Variants in RBFOX1 observed in about 807,000 individuals in gnomAD.
RBFOX1 encodes RNA binding fox-1 homolog 1, also known as RNA binding protein fox-1 homolog 1.
In RBFOX1, 8 loss-of-function variants were observed where a neutral mutation model predicts 57.7. The observed-to-expected ratio is 0.14, with a 90% CI of 0.08 to 0.25. The LOEUF (loss-of-function observed/expected upper bound fraction) is 0.25, where lower values mean the gene tolerates loss of function less well. Among genes scored for constraint, RBFOX1 ranks in the 10% least tolerant of loss-of-function variants. The pLI is 1.00. For missense variants in RBFOX1, 611 were observed against 548.5 expected (o/e 1.11, Z -1.14); for synonymous variants, 326 against 222.4 (o/e 1.47, Z -4.15).
At chr16:6,823,210 C>T (rs1341968799) in intron 3 of RBFOX1, among the ~76,000 whole-genome samples, 1 of 151,890 alleles carries the variant, frequency 6.6e-6, no homozygotes, top group Non-Finnish European at 1.5e-5. Context: ...AAGCATTCTA[C>T]TTCACTGACC....
chr16:6,957,798 G>C (rs1233228425), intron 3 of RBFOX1, among the ~76,000 whole-genome samples: 1 of 152,118 alleles, frequency 6.6e-6, no homozygotes, highest in African/African-American at 2.4e-5. Flanking sequence ...CTTAGGGAAA[G>C]CCAGGCATCT....
chr16:7,350,714 A>G (rs1185939622), intron 4 of RBFOX1, among the ~76,000 whole-genome samples: 2 of 152,154 alleles, frequency 1.3e-5, no homozygotes, highest in Non-Finnish European at 2.9e-5. Context: ...TTTGATCTTC[A>G]TTGACCGGAG....
chr16:7,539,680 G>A (rs2082397389), intron 5 of RBFOX1, among the ~76,000 whole-genome samples: 1 of 152,142 alleles, frequency 6.6e-6, no homozygotes, highest in East Asian at 1.9e-4. Context: ...GACTGTTTCT[G>A]GCCACAAAGG....
chr16:6,862,030 C>G (rs1424586292), intron 3 of RBFOX1, among the ~76,000 whole-genome samples: 1 of 151,988 alleles, frequency 6.6e-6, no homozygotes, highest in Admixed American at 6.6e-5. Context: ...ACTCGATAAG[C>G]TCCAGTCAAT....
At chr16:6,628,198 C>T (rs1276115840) in intron 2 of RBFOX1, among the ~76,000 whole-genome samples, 2 of 152,198 alleles carry the variant, frequency 1.3e-5, no homozygotes, top group African/African-American at 4.8e-5. Context: ...GTCATCTCAC[C>T]AGTCTCCCTG....
intron 3 of RBFOX1, among the ~76,000 whole-genome samples, chr16:6,938,757 C>G (rs11077117): frequency 0.5 from 75,351 of 151,398 alleles, 18,867 homozygotes; most frequent in East Asian, 0.68. Context: ...CAGGGTGAAA[C>G]CCTGTCTGTA....
intron 4 of RBFOX1, among the ~76,000 whole-genome samples, chr16:7,305,949 C>T (rs948003298): frequency 6.6e-6 from 1 of 152,028 alleles, no homozygotes; most frequent in Non-Finnish European, 1.5e-5. Flanking sequence ...TGTGCATGTG[C>T]GTTTTATACC....
At chr16:6,875,841 C>G (rs1034037467) in intron 3 of RBFOX1, among the ~76,000 whole-genome samples, 1 of 151,776 alleles carries the variant, frequency 6.6e-6, no homozygotes, top group Non-Finnish European at 1.5e-5. Flanking sequence ...CTCATCTCTA[C>G]AAAAAAATTA....
chr16:6,085,406 G>C (rs1368715795), intron 1 of RBFOX1, among the ~76,000 whole-genome samples: 1 of 152,190 alleles, frequency 6.6e-6, no homozygotes, highest in East Asian at 1.9e-4. Flanking sequence ...CCGAGTAGCT[G>C]GGAGTACAGG....
intron 4 of RBFOX1, among the ~76,000 whole-genome samples, chr16:7,391,319 G>C (rs1244249841): frequency 2.6e-5 from 4 of 152,106 alleles, no homozygotes; most frequent in Non-Finnish European, 5.9e-5. Flanking sequence ...GTAAAAGAAG[G>C]GCCCTCATGG....
chr16:6,582,682 A>G (rs1488628928), intron 2 of RBFOX1, among the ~76,000 whole-genome samples: 1 of 149,732 alleles, frequency 6.7e-6, no homozygotes, highest in South Asian at 2.1e-4. Context: ...TCCCTCCACC[A>G]TTTCTCTCTT....
At chr16:7,699,962 T>A (rs1349924621) in intron 14 of RBFOX1, among the ~76,000 whole-genome samples, 4 of 152,126 alleles carry the variant, frequency 2.6e-5, no homozygotes, top group Admixed American at 6.5e-5. Flanking sequence ...ATTGTCAGTG[T>A]CTTGGTATTG....
intron 6 of RBFOX1, 138 bp downstream of exon 6, chr16:7,580,058 G>C (rs981000504): frequency 3.4e-6 from 3 of 893,382 alleles, no homozygotes; most frequent in Admixed American, 2.8e-5. Context: ...CTAGTCTGCA[G>C]GTATATTGTG....
intron 3 of RBFOX1, among the ~76,000 whole-genome samples, chr16:6,955,685 G>GTATTTATT (rs1437207599): frequency 7.0e-5 from 7 of 100,508 alleles, no homozygotes; most frequent in South Asian, 3.1e-4. Flanking sequence ...ATTTAGGTAT[G>GTATTTATT]TATGTATTTA....
chr16:5,332,165 C>T (rs1333017288), intron 1 of RBFOX1, among the ~76,000 whole-genome samples: 3 of 152,158 alleles, frequency 2.0e-5, no homozygotes, highest in Non-Finnish European at 4.4e-5. Context: ...AGAAAACCAC[C>T]AAGTGTGGTT....
intron 4 of RBFOX1, among the ~76,000 whole-genome samples, chr16:7,172,292 A>G (rs1808893854): frequency 6.6e-6 from 1 of 152,194 alleles, no homozygotes; most frequent in African/African-American, 2.4e-5. Flanking sequence ...CACTTCTTTC[A>G]TGTAAATGCC....
At chr16:5,744,161 C>A (rs1391098071) in intron 3 of RBFOX1, among the ~76,000 whole-genome samples, 1 of 152,028 alleles carries the variant, frequency 6.6e-6, no homozygotes, top group African/African-American at 2.4e-5. Flanking sequence ...GTGCTATGTT[C>A]CCCATCTGGA....
intron 1 of RBFOX1, among the ~76,000 whole-genome samples, chr16:6,227,270 G>C (rs1392276949): frequency 6.6e-6 from 1 of 152,144 alleles, no homozygotes; most frequent in East Asian, 1.9e-4. Context: ...CAGAGCGTTT[G>C]ATTCAGTGAT....
At chr16:5,814,772 C>G (rs531386703) in intron 3 of RBFOX1, among the ~76,000 whole-genome samples, 1 of 151,868 alleles carries the variant, frequency 6.6e-6, no homozygotes, top group Non-Finnish European at 1.5e-5. Context: ...ACTAAAAATA[C>G]AAAAAAATTA....
Sources: gnomAD v4.1 joint callset for allele counts (sites outside exome capture counted in the v4.1 genomes callset) on GRCh38, gnomAD v4.1.1 for gene constraint, MANE v1.5 for transcripts, NCBI Gene and HGNC (gene_info 2026-07-23, HGNC 2026-07-21) for gene names.